CNTN4: variants seen among roughly 807,000 people sequenced by gnomAD.
CNTN4 encodes contactin-4.
Under a neutral mutation model 122.5 loss-of-function variants are expected in CNTN4, and 77 were observed. The observed-to-expected ratio is 0.63, with a 90% CI of 0.52 to 0.76. The LOEUF is 0.76. CNTN4 is among the 30% of genes least tolerant of loss of function. The probability of loss-of-function intolerance (pLI) is 0.00; values close to 1 mark genes in which losing one functional copy is unlikely to be tolerated. For missense variants in CNTN4, 1,256 were observed against 1,259.1 expected, an observed-to-expected ratio of 1.00 and a Z score of 0.04; for synonymous variants, 512 against 447.0, an observed-to-expected ratio of 1.15 and a Z score of -1.83.
At chr3:2,375,019 C>A (rs1489644359) in intron 3 of CNTN4, among the ~76,000 whole-genome samples, 4 of 152,026 alleles carry the variant, frequency 2.6e-5, no homozygotes, top group Admixed American at 6.5e-5. Context: ...TCATACTCTT[C>A]AAAAAAATGA....
intron 3 of CNTN4, among the ~76,000 whole-genome samples, chr3:2,451,452 A>G (rs1191050277): frequency 1.3e-5 from 2 of 150,892 alleles, no homozygotes; most frequent in African/African-American, 2.4e-5. Flanking sequence ...AGGTCTTAAA[A>G]AAAAAAAAAG....
At chr3:2,164,488 C>T (rs912572597) in intron 2 of CNTN4, among the ~76,000 whole-genome samples, 1 of 152,206 alleles carries the variant, frequency 6.6e-6, no homozygotes, top group East Asian at 1.9e-4. Context: ...TCCTCTAAGC[C>T]AAACCTAATT....
chr3:2,307,434 CAA>C (rs61558669), intron 2 of CNTN4, among the ~76,000 whole-genome samples: 14 of 124,508 alleles, frequency 1.1e-4, no homozygotes, highest in African/African-American at 1.1e-4. Context: ...GACTCCATCT[CAA>C]AAAAAAAAAA....
intron 3 of CNTN4, among the ~76,000 whole-genome samples, chr3:2,409,834 A>G (rs1013400874): frequency 2.0e-5 from 3 of 152,102 alleles, no homozygotes; most frequent in African/African-American, 7.2e-5. Context: ...ACATAAAATT[A>G]TATGTTATAT....
intron 13 of CNTN4, among the ~76,000 whole-genome samples, chr3:2,928,975 G>T (rs992640192): frequency 6.6e-6 from 1 of 152,092 alleles, no homozygotes; most frequent in African/African-American, 2.4e-5. Flanking sequence ...TATTGTTTTG[G>T]CTTCCCATTC....
intron 2 of CNTN4, among the ~76,000 whole-genome samples, chr3:2,215,823 C>T (rs992642985): frequency 1.5e-5 from 2 of 131,182 alleles, no homozygotes; most frequent in Admixed American, 9.3e-5. Context: ...TTAGAGGTTG[C>T]AGTGAGCCGA....
intron 3 of CNTN4, among the ~76,000 whole-genome samples, chr3:2,440,806 AAT>A (rs1408093709): frequency 6.7e-6 from 1 of 148,440 alleles, no homozygotes; most frequent in Non-Finnish European, 1.5e-5. Flanking sequence ...ATATATAACA[AAT>A]ATATTCATAC....
At chr3:2,334,376 C>G (rs1401022771) in intron 2 of CNTN4, among the ~76,000 whole-genome samples, 3 of 152,142 alleles carry the variant, frequency 2.0e-5, no homozygotes, top group African/African-American at 7.2e-5. Flanking sequence ...CCAGGCTGGT[C>G]TTGAACTTCT....
intron 4 of CNTN4, among the ~76,000 whole-genome samples, chr3:2,612,561 A>G (rs17622828): frequency 0.096 from 14,575 of 152,194 alleles, 947 homozygotes; most frequent in Non-Finnish European, 0.14. Context: ...TTGGTTTCAC[A>G]AGGTAAAGGC....
intron 2 of CNTN4, among the ~76,000 whole-genome samples, chr3:2,302,469 C>T (rs1185607561): frequency 2.0e-5 from 3 of 152,160 alleles, no homozygotes; most frequent in East Asian, 1.9e-4. Context: ...TTTGGCTCTA[C>T]GTTGGTTATG....
At chr3:2,553,911 A>G (rs2149379292) in intron 3 of CNTN4, among the ~76,000 whole-genome samples, 1 of 152,204 alleles carries the variant, frequency 6.6e-6, no homozygotes, top group East Asian at 1.9e-4. Flanking sequence ...GTTTAACTGT[A>G]TGAATTAACA....
intron 12 of CNTN4, among the ~76,000 whole-genome samples, chr3:2,919,604 T>G (rs2094407371): frequency 6.6e-6 from 1 of 152,188 alleles, no homozygotes; most frequent in Non-Finnish European, 1.5e-5. Flanking sequence ...GACTCTCTTC[T>G]GTTCATTTAG....
In CNTN4 at chr3:2,708,721, C is replaced by T. The variant is rs534704489; in HGVS notation, c.56-27494C>T. Among the ~76,000 whole-genome samples, 277 of 142,018 alleles carry T rather than the reference C, an allele frequency of 2.0e-3. 2 individuals are homozygous for T. The highest frequency in any genetic ancestry group is 0.014 in the South Asian group (66 of 4,604). 93.2% of individuals were successfully genotyped at this position (142,018 alleles called of 152,430 possible). On this transcript the variant is annotated intron_variant, in intron 4 of 24. Coordinates refer to ENST00000418658, the MANE Select transcript of CNTN4 (RefSeq NM_175607.3). Reference sequence around the variant, plus strand: ...GTCCATGCACGCAGGCACGCGCACGCGCGCATCACACACACACACACACAC... The same window carrying T: ...GTCCATGCACGCAGGCACGCGCACGTGCGCATCACACACACACACACACAC...
chr3:2,276,466 G>A (rs770095547), intron 2 of CNTN4, among the ~76,000 whole-genome samples: 3 of 152,080 alleles, frequency 2.0e-5, no homozygotes, highest in African/African-American at 4.8e-5. Context: ...GAGCCACTGC[G>A]GCAGGCTTCT....
chr3:2,135,174 G>A (rs55870353), intron 2 of CNTN4, among the ~76,000 whole-genome samples: 2 of 152,140 alleles, frequency 1.3e-5, no homozygotes, highest in Non-Finnish European at 2.9e-5. Flanking sequence ...GAGAGCATTA[G>A]AGATGGCCTG....
intron 7 of CNTN4, among the ~76,000 whole-genome samples, chr3:2,833,146 C>T (rs1576983075): frequency 6.6e-6 from 1 of 152,304 alleles, no homozygotes; most frequent in East Asian, 1.9e-4. Flanking sequence ...TGAATGGATG[C>T]ATCTCCACTG....
At chr3:2,787,573 G>A (rs1304786453) in intron 6 of CNTN4, among the ~76,000 whole-genome samples, 1 of 152,148 alleles carries the variant, frequency 6.6e-6, no homozygotes, top group Non-Finnish European at 1.5e-5. Context: ...ATCCTGTAAT[G>A]ACTGAATTGC....
intron 4 of CNTN4, among the ~76,000 whole-genome samples, chr3:2,679,682 AG>A (rs1375791549): frequency 1.3e-5 from 2 of 152,182 alleles, no homozygotes; most frequent in African/African-American, 4.8e-5. Flanking sequence ...GATTAGAAAA[AG>A]GATGCATTAG....
Position 2,105,621 on chromosome 3 carries a change from A to C in CNTN4, c.-145+4982A>C, listed in dbSNP as rs141511102. 2.0e-5 allele frequency among the ~76,000 whole-genome samples: 3 copies of C among 152,294 alleles called. No individual in the cohort carries two copies. In the East Asian group the frequency reaches 5.8e-4, roughly 29 times the overall value. ...ATGGGGGAAACTGCTTCCACAATGC[A>C]ATCACCTCCTACCAGGTCCCACCCT... On this transcript the variant is annotated intron_variant, in intron 2 of 24. Transcript: ENST00000418658.
Sources: allele counts gnomAD v4.1 joint callset (sites outside exome capture counted in the v4.1 genomes callset), GRCh38; gene constraint gnomAD v4.1.1; transcripts MANE v1.5; gene names NCBI Gene and HGNC (gene_info 2026-07-23, HGNC 2026-07-21).